Variants in KLF1 observed in about 807,000 individuals in gnomAD.
The protein encoded by KLF1 is KLF transcription factor 1.
A neutral mutation model predicts 28.0 loss-of-function variants in KLF1; 29 were observed. The observed-to-expected ratio is 1.04, with a 90% CI of 0.77 to 1.41. The LOEUF (loss-of-function observed/expected upper bound fraction) is 1.41. KLF1 is among the 40% of genes most tolerant of loss of function. The pLI is 0.00. For synonymous variants in KLF1, 262 were observed against 242.6 expected, an observed-to-expected ratio of 1.08 and a Z score of -0.74; for missense variants, 508 against 515.1, an observed-to-expected ratio of 0.99 and a Z score of 0.13.
rs779564336 is a variant in KLF1 at position 12,885,616 on chromosome 19, G to T, written c.614C>A (p.Ala205Glu). ...TTGGTACTGAGGCGCCGGGTACATCGCGGGGTACCCGGACAGTAGCCCGTA... is the reference window on the plus strand; with the variant it reads ...TTGGTACTGAGGCGCCGGGTACATCTCGGGGTACCCGGACAGTAGCCCGTA... Reference protein sequence around the residue: ...APYGLLSGYPAMYPAPQYQGH... With the variant: ...APYGLLSGYPEMYPAPQYQGH... Residue 205 changes from alanine (A) to glutamate (E), a missense_variant, in exon 2 of 3, where the codon GCG (alanine) becomes GAG (glutamate). Transcript: ENST00000264834. The surrounding 1 kb of genome is among the most constrained non-coding windows in gnomAD (Gnocchi z 5.6). 2 of 1,552,226 alleles carry T rather than the reference G, an allele frequency of 1.3e-6. No homozygotes were observed. The highest frequency in any genetic ancestry group is 8.7e-7 in the Non-Finnish European group (1 of 1,148,470).
rs747869166 is a variant in KLF1, at chr19:12,885,011, C to T, written c.963G>A (p.Ala321=). 2.2e-5 allele frequency: 36 copies of T among 1,609,130 alleles called. No homozygotes were observed. Among genetic ancestry groups the T allele is most frequent in the Non-Finnish European group, 3.0e-5 (35 of 1,179,950 alleles). ...CTWEGCGWRF[A]RSDELTRHYR... ...AGTGGCGGGTCAGCTCGTCCGAGCGCGCGAATCTCCAGCCGCAGCCTTCCC... is the reference window on the plus strand; with the variant it reads ...AGTGGCGGGTCAGCTCGTCCGAGCGTGCGAATCTCCAGCCGCAGCCTTCCC... Residue 321 remains alanine, a synonymous_variant, in exon 3 of 3, where the codon GCG becomes GCA. Coordinates refer to ENST00000264834, the MANE Select transcript of KLF1 (RefSeq NM_006563.5). The surrounding 1 kb of genome is among the most constrained non-coding windows in gnomAD (Gnocchi z 5.6).
In KLF1 at chr19:12,884,688, T is replaced by A; in HGVS notation, c.*197A>T. On this transcript the variant is annotated 3_prime_UTR_variant, in exon 3 of 3. Coordinates refer to ENST00000264834, the MANE Select transcript of KLF1 (RefSeq NM_006563.5). The stretch of plus-strand genomic sequence containing the variant: ...GGCTGAAGGCTTGTCGGATTTTCCG[T>A]AAGAGGCTCCCCCAGGGCTGTCTAT... 2 of 627,926 alleles carry A rather than the reference T, an allele frequency of 3.2e-6. No individual in the cohort carries two copies. The highest frequency in any genetic ancestry group is 3.8e-5 in the South Asian group (2 of 52,542). 38.9% of individuals were successfully genotyped at this position (627,926 alleles called of 1,614,324 possible). A position where few individuals can be genotyped will look rare whatever the true frequency, so the allele number is the denominator to read the frequency against.
rs746668810 is a variant in KLF1, at chr19:12,885,486, G to A, written c.744C>T (p.Leu248=). The change falls in exon 2 of 3, where the codon CTC becomes CTT. Residue 248 remains leucine, a synonymous_variant. Coordinates refer to ENST00000264834, the MANE Select transcript of KLF1 (RefSeq NM_006563.5). This position sits in a 1 kb window ranked among gnomAD's most constrained non-coding sequence, Gnocchi z 5.6. ...CLGPGTVGTG[L]GGTAEDPGVI... ...CACCTGGATCCTCTGCAGTCCCCCC[G>A]AGTCCAGTGCCCACCGTCCCGGGTC... The A allele has an allele frequency of 1.2e-6, 2 of 1,601,690 alleles. No individual in the cohort carries two copies. The highest frequency in any genetic ancestry group is 1.7e-6 in the Non-Finnish European group (2 of 1,174,924).
chr19:12,885,713 G>T lies in KLF1; in HGVS notation c.517C>A (p.Pro173Thr). The stretch of plus-strand genomic sequence containing the variant: ...TAGCCACCCGAGGAGCCGGCGCCGG[G>T]CCCCGGGTACACCGGTTGCAGCGCC... ...ALALQPVYPG[P>T]GAGSSGGYFP... The change falls in exon 2 of 3, where the codon CCC becomes ACC. Residue 173 changes from proline (P) to threonine (T), a missense_variant. Physicochemically the swap from Pro to Thr is conservative, Grantham distance 38. Transcript: ENST00000264834. This position sits in a 1 kb window ranked among gnomAD's most constrained non-coding sequence, Gnocchi z 5.6. 1 of 1,522,194 alleles carries T rather than the reference G, an allele frequency of 6.6e-7. No individual in the cohort carries two copies. Among genetic ancestry groups the T allele is most frequent in the Non-Finnish European group, 8.8e-7 (1 of 1,134,894 alleles). 94.3% of individuals were successfully genotyped at this position (1,522,194 alleles called of 1,614,324 possible).
Position 12,885,711 on chromosome 19 carries a change from G to C in KLF1, c.519C>G (p.Pro173=), listed in dbSNP as rs1970434928. The C allele has an allele frequency of 6.6e-7, 1 of 1,523,634 alleles. No homozygotes were observed. Among genetic ancestry groups the C allele is most frequent in the Non-Finnish European group, 8.8e-7 (1 of 1,135,360 alleles). The allele number at this position is 1,523,634 out of a possible 1,614,324, so 94.4% of individuals were successfully genotyped here. The change falls in exon 2 of 3, where the codon CCC becomes CCG. Residue 173 remains proline, a synonymous_variant. Coordinates refer to ENST00000264834, the MANE Select transcript of KLF1 (RefSeq NM_006563.5). The surrounding 1 kb of genome is among the most constrained non-coding windows in gnomAD (Gnocchi z 5.6). ...AGTAGCCACCCGAGGAGCCGGCGCC[G>C]GGCCCCGGGTACACCGGTTGCAGCG... ...ALALQPVYPG[P]GAGSSGGYFP... is the part of the protein sequence containing the mutation.
At chr19:12,886,193 G>T in intron 1 of KLF1, 51 bp from the exon 2 acceptor site, 1 of 1,383,906 alleles carries the variant, frequency 7.2e-7, no homozygotes, top group African/African-American at 1.4e-5. Flanking sequence ...GGGGTGCCCT[G>T]CCCAGGGACA....
Position 12,885,272 on chromosome 19 carries a change from G to T in KLF1, c.913+45C>A. The stretch of plus-strand genomic sequence containing the variant: ...CAACCCTTCTTCCCCTGTAACTACA[G>T]CGGGCGCCGCGCCCTTTCTCATGTC... On this transcript the variant is annotated intron_variant, in intron 2 of 2. Coordinates refer to ENST00000264834, the MANE Select transcript of KLF1 (RefSeq NM_006563.5). This position sits in a 1 kb window ranked among gnomAD's most constrained non-coding sequence, Gnocchi z 5.6. 1.3e-6 allele frequency: 2 copies of T among 1,509,124 alleles called. No individual in the cohort carries two copies. The highest frequency in any genetic ancestry group is 1.8e-6 in the Non-Finnish European group (2 of 1,111,778). 93.5% of individuals were successfully genotyped at this position (1,509,124 alleles called of 1,614,324 possible). A position where few individuals can be genotyped will look rare whatever the true frequency, so the allele number is the denominator to read the frequency against.
Position 12,885,014 on chromosome 19 carries a change from G to C in KLF1, c.960C>G (p.Phe320Leu). 1 of 1,609,222 alleles carries C rather than the reference G, an allele frequency of 6.2e-7. No homozygotes were observed. Among genetic ancestry groups the C allele is most frequent in the Non-Finnish European group, 8.5e-7 (1 of 1,179,952 alleles). ...ACTWEGCGWRFARSDELTRHY... is the reference protein window; with the variant it reads ...ACTWEGCGWRLARSDELTRHY... Reference sequence around the variant, plus strand: ...GGCGGGTCAGCTCGTCCGAGCGCGCGAATCTCCAGCCGCAGCCTTCCCACG... The same window carrying C: ...GGCGGGTCAGCTCGTCCGAGCGCGCCAATCTCCAGCCGCAGCCTTCCCACG... Residue 320 changes from phenylalanine to leucine, a missense_variant, in exon 3 of 3, where the codon TTC becomes TTG. Phe to Leu is a conservative substitution (Grantham distance 22). Transcript: ENST00000264834. This position sits in a 1 kb window ranked among gnomAD's most constrained non-coding sequence, Gnocchi z 5.6.
Position 12,885,762 on chromosome 19 carries a change from G to T in KLF1, c.468C>A (p.Ala156=). The change falls in exon 2 of 3, where the codon GCC becomes GCA. Residue 156 remains alanine, a synonymous_variant. Coordinates refer to ENST00000264834, the MANE Select transcript of KLF1 (RefSeq NM_006563.5). This position sits in a 1 kb window ranked among gnomAD's most constrained non-coding sequence, Gnocchi z 5.6. ...CCAGCGCCTTGGGCTCGGGGGCCGG[G>T]GCTGGAGCCAGGGCTGGGCCCACGA... ...DAFVGPALAP[A]PAPEPKALAL... is the part of the protein sequence containing the mutation. The T allele has an allele frequency of 2.0e-6, 3 of 1,521,752 alleles. No homozygotes were observed. Among genetic ancestry groups the T allele is most frequent in the Non-Finnish European group, 2.6e-6 (3 of 1,136,552 alleles). The allele number at this position is 1,521,752 out of a possible 1,614,324, so 94.3% of individuals were successfully genotyped here.
chr19:12,885,528 G>A lies in KLF1; in HGVS notation c.702C>T (p.Ser234=). 1.3e-6 allele frequency: 2 copies of A among 1,586,618 alleles called. No homozygotes were observed. The highest frequency in any genetic ancestry group is 1.7e-6 in the Non-Finnish European group (2 of 1,167,448). The change falls in exon 2 of 3, where the codon TCC becomes TCT. Residue 234 remains serine (S), a synonymous_variant. Transcript: ENST00000264834. The surrounding 1 kb of genome is among the most constrained non-coding windows in gnomAD (Gnocchi z 5.6). ...GPAPGPATSP[S]FLSCLGPGTV... ...TCCCGGGTCCCAAACAACTCAGGAA[G>A]GAGGGGGACGTGGCGGGACCGGGCG... is the stretch of plus-strand genomic sequence containing the variant.
chr19:12,884,751 G>T lies in KLF1; in HGVS notation c.*134C>A. 1.1e-6 allele frequency: 1 copy of T among 929,758 alleles called. No homozygotes were observed. The highest frequency in any genetic ancestry group is 1.7e-6 in the Non-Finnish European group (1 of 595,600). 57.6% of individuals were successfully genotyped at this position (929,758 alleles called of 1,614,324 possible). ...GATATTTGGGTGGATCTTTGGGAAC[G>T]CGAGTCCAGGAGAGGGTCCATTCGT... On this transcript the variant is annotated 3_prime_UTR_variant, in exon 3 of 3. Transcript: ENST00000264834.
rs555308232 is a variant in KLF1 at position 12,885,761 on chromosome 19, G to C, written c.469C>G (p.Pro157Ala). 1 of 1,520,498 alleles carries C rather than the reference G, an allele frequency of 6.6e-7. No homozygotes were observed. The highest frequency in any genetic ancestry group is 8.8e-7 in the Non-Finnish European group (1 of 1,136,030). 94.2% of individuals were successfully genotyped at this position (1,520,498 alleles called of 1,614,324 possible). A position where few individuals can be genotyped will look rare whatever the true frequency, so the allele number is the denominator to read the frequency against. ...AFVGPALAPA[P>A]APEPKALALQ... is the part of the protein sequence containing the mutation. ...GCCAGCGCCTTGGGCTCGGGGGCCG[G>C]GGCTGGAGCCAGGGCTGGGCCCACG... Residue 157 changes from proline (P) to alanine (A), a missense_variant, in exon 2 of 3, where the codon CCG (proline) becomes GCG (alanine). By Grantham distance (27) the Pro-to-Ala change is conservative. Coordinates refer to ENST00000264834, the MANE Select transcript of KLF1 (RefSeq NM_006563.5). The surrounding 1 kb of genome is among the most constrained non-coding windows in gnomAD (Gnocchi z 5.6).
chr19:12,886,315 C>A (rs184363779), intron 1 of KLF1, among the ~76,000 whole-genome samples, 173 bp from the exon 2 acceptor site: 30 of 152,156 alleles, frequency 2.0e-4, no homozygotes, highest in African/African-American at 6.5e-4. Context: ...CCCGCTCCCC[C>A]CCCAGCTCCA....
chr19:12,886,165 C>G (rs1251070599), intron 1 of KLF1, 23 bp from the exon 2 acceptor site: 1 of 1,579,402 alleles, frequency 6.3e-7, no homozygotes, highest in Non-Finnish European at 8.6e-7. Context: ...GCAGGCAGCT[C>G]GAGGTTCGGT....
In KLF1 at chr19:12,887,047, GC is replaced by G; in HGVS notation, c.87+6del. On this transcript the variant is annotated splice_donor_region_variant and intron_variant, in intron 1 of 2. Coordinates refer to ENST00000264834, the MANE Select transcript of KLF1 (RefSeq NM_006563.5). The surrounding 1 kb of genome is among the most constrained non-coding windows in gnomAD (Gnocchi z 4.7). ...AGCCCACCTAGACCCCACCTTCTAGGCCCCACCTTGAGGAAGTCATCCTGTG... is the reference window on the plus strand; with the variant it reads ...AGCCCACCTAGACCCCACCTTCTAGGCCCACCTTGAGGAAGTCATCCTGTG... 6.2e-7 allele frequency: 1 copy of G among 1,613,972 alleles called. No homozygotes were observed. Among genetic ancestry groups the G allele is most frequent in the Non-Finnish European group, 8.5e-7 (1 of 1,179,922 alleles).
In KLF1 at chr19:12,885,741, C is replaced by T. The variant is rs1188707644; in HGVS notation, c.489G>A (p.Ala163=). 1.3e-6 allele frequency: 2 copies of T among 1,505,756 alleles called. No individual in the cohort carries two copies. The highest frequency in any genetic ancestry group is 1.8e-6 in the Non-Finnish European group (2 of 1,129,498). 93.3% of individuals were successfully genotyped at this position (1,505,756 alleles called of 1,614,324 possible). A position where few individuals can be genotyped will look rare whatever the true frequency, so the allele number is the denominator to read the frequency against. The part of the protein sequence containing the change: ...LAPAPAPEPK[A]LALQPVYPGP... ...CCGGGTACACCGGTTGCAGCGCCAG[C>T]GCCTTGGGCTCGGGGGCCGGGGCTG... Residue 163 remains alanine, a synonymous_variant, in exon 2 of 3, where the codon GCG becomes GCA. Transcript: ENST00000264834. The surrounding 1 kb of genome is among the most constrained non-coding windows in gnomAD (Gnocchi z 5.6).
Position 12,885,887 on chromosome 19 carries a change from C to G in KLF1, c.343G>C (p.Ala115Pro), listed in dbSNP as rs1450642736. 6.4e-7 allele frequency: 1 copy of G among 1,552,056 alleles called. No individual in the cohort carries two copies. The highest frequency in any genetic ancestry group is 1.4e-5 in the African/African-American group (1 of 73,166). The change falls in exon 2 of 3, where the codon GCA (alanine) becomes CCA (proline). Residue 115 changes from alanine (A) to proline (P), a missense_variant. Physicochemically the swap from Ala to Pro is conservative, Grantham distance 27 (BLOSUM62 -1). Coordinates refer to ENST00000264834, the MANE Select transcript of KLF1 (RefSeq NM_006563.5). This position sits in a 1 kb window ranked among gnomAD's most constrained non-coding sequence, Gnocchi z 5.6. ...QYPPPPETLG[A>P]YAGGPGLVAG... ...ACCAGCCCCGGGCCGCCAGCATATG[C>G]GCCCAGAGTCTCGGGCGGCGGCGGA...
rs367564936 is a variant in KLF1 at position 12,885,348 on chromosome 19, G to C, written c.882C>G (p.Ser294=). The part of the protein sequence containing the change: ...PGCGKSYTKS[S]HLKAHLRTHT... Reference sequence around the variant, plus strand: ...GCGTGCGCAGATGCGCCTTCAGGTGGGAGCTCTTGGTGTAGCTCTTGCCGC... The same window carrying C: ...GCGTGCGCAGATGCGCCTTCAGGTGCGAGCTCTTGGTGTAGCTCTTGCCGC... Residue 294 remains serine, a synonymous_variant, in exon 2 of 3, where the codon TCC becomes TCG. Transcript: ENST00000264834. This position sits in a 1 kb window ranked among gnomAD's most constrained non-coding sequence, Gnocchi z 5.6. 2.5e-6 allele frequency: 4 copies of C among 1,600,256 alleles called. No homozygotes were observed. The African/African-American group carries it at 4.0e-5, about 16-fold the overall frequency.
Sources: gnomAD v4.1 joint callset for allele counts (sites outside exome capture counted in the v4.1 genomes callset) on GRCh38, gnomAD v4.1.1 for gene constraint, Gnocchi (gnomAD v3.1) non-coding constraint, MANE v1.5 for transcripts, NCBI Gene and HGNC (gene_info 2026-07-23, HGNC 2026-07-21) for gene names.